The following MAP2K2 variants were observed in gnomAD, a reference collection of about 807,000 sequenced individuals.
MAP2K2 encodes dual specificity mitogen-activated protein kinase kinase 2.
MAP2K2 carries 24 observed loss-of-function variants against 43.7 expected under a neutral mutation model. That is an observed-to-expected ratio of 0.55 (90% CI 0.40 to 0.77). The LOEUF (loss-of-function observed/expected upper bound fraction) is 0.77, where lower values mean the gene tolerates loss of function less well. MAP2K2 is among the 30% of genes least tolerant of loss of function. MAP2K2 has a pLI of 0.00. For synonymous variants in MAP2K2, 244 were observed against 239.7 expected (o/e 1.02, Z -0.17); for missense variants, 470 against 566.8 (o/e 0.83, Z 1.73).
intron 2 of MAP2K2, among the ~76,000 whole-genome samples, chr19:4,114,563 G>A (rs901675658): frequency 6.6e-6 from 1 of 152,208 alleles, no homozygotes; most frequent in Non-Finnish European, 1.5e-5. Context: ...TATCTCCCTG[G>A]CCCAGGTAAC....
intron 3 of MAP2K2, among the ~76,000 whole-genome samples, chr19:4,108,868 A>G (rs767632908): frequency 2.0e-5 from 3 of 152,122 alleles, no homozygotes; most frequent in Non-Finnish European, 4.4e-5. Context: ...AATAGGGAGC[A>G]CCACATGACA....
At chr19:4,095,217 C>T (rs528577041) in intron 9 of MAP2K2, 171 bp downstream of exon 9, 22 of 613,032 alleles carry the variant, frequency 3.6e-5, no homozygotes, top group Admixed American at 5.5e-5. Flanking sequence ...CCGGGAGCTG[C>T]AGCCCCACAG....
intron 2 of MAP2K2, among the ~76,000 whole-genome samples, chr19:4,116,015 C>T (rs1237026388): frequency 6.6e-6 from 1 of 152,176 alleles, no homozygotes; most frequent in African/African-American, 2.4e-5. Context: ...AGCACGGGGG[C>T]CGTCAGCACC....
chr19:4,103,047 G>C, intron 3 of MAP2K2: 1 of 1,033,612 alleles, frequency 9.7e-7, no homozygotes, highest in Non-Finnish European at 1.2e-6. Flanking sequence ...CCCTGCGCCT[G>C]TCCCTGCCAC....
At chr19:4,104,388 A>G (rs1174798471) in intron 3 of MAP2K2, among the ~76,000 whole-genome samples, 1 of 150,014 alleles carries the variant, frequency 6.7e-6, no homozygotes, top group African/African-American at 2.5e-5. Flanking sequence ...CCACACAGTG[A>G]GACCCCATAC....
At chr19:4,109,272 G>A (rs1014890779) in intron 3 of MAP2K2, among the ~76,000 whole-genome samples, 3 of 152,010 alleles carry the variant, frequency 2.0e-5, no homozygotes, top group African/African-American at 4.8e-5. Flanking sequence ...TCTGGGCTTC[G>A]AGGCCAGAGT....
At position 4,102,923 on chromosome 19, in the gene MAP2K2, G is replaced by A. The variant is rs543934890; in HGVS notation, c.451-470C>T. 6.1e-5 allele frequency: 69 copies of A among 1,138,912 alleles called. No individual in the cohort carries two copies. In the East Asian group the frequency reaches 6.6e-4, roughly 11 times the overall value. 70.6% of individuals were successfully genotyped at this position (1,138,912 alleles called of 1,614,324 possible). A position where few individuals can be genotyped will look rare whatever the true frequency, so the allele number is the denominator to read the frequency against. On this transcript the variant is annotated intron_variant, in intron 3 of 10. Transcript: ENST00000262948. ...GAAGGGAAGGGGAGGGTGAGGGCGC[G>A]GAGGAGACGCGGGTGCTGCCCCGCG...
chr19:4,102,335 G>C (rs2145057232), intron 4 of MAP2K2, 41 bp downstream of exon 4: 2 of 1,516,266 alleles, frequency 1.3e-6, no homozygotes, highest in Admixed American at 1.9e-5. Flanking sequence ...GGTCCGTGCA[G>C]AGTGCGGTGG....
At chr19:4,117,680 G>T in intron 1 of MAP2K2, 51 bp from the exon 2 acceptor site, 1 of 1,563,948 alleles carries the variant, frequency 6.4e-7, no homozygotes, top group South Asian at 1.1e-5. Flanking sequence ...GACTCCATCT[G>T]GCCGTTTGCT....
intron 1 of MAP2K2, among the ~76,000 whole-genome samples, chr19:4,118,342 G>T (rs2041253653): frequency 6.6e-6 from 1 of 152,180 alleles, no homozygotes; most frequent in Non-Finnish European, 1.5e-5. Context: ...GTCTTTGCAG[G>T]AGATAGAGGA....
chr19:4,117,269 T>C, intron 2 of MAP2K2, 150 bp downstream of exon 2: 1 of 769,726 alleles, frequency 1.3e-6, no homozygotes, highest in East Asian at 2.7e-5. Context: ...GCTGGGCCCT[T>C]TCTCAGGACC....
intron 1 of MAP2K2, among the ~76,000 whole-genome samples, chr19:4,119,656 T>C (rs1396379677): frequency 6.6e-6 from 1 of 152,256 alleles, no homozygotes; most frequent in African/African-American, 2.4e-5. Context: ...AATGGCATTA[T>C]TGCGCCTATG....
chr19:4,099,436 A>G (rs2145050667), intron 6 of MAP2K2, 22 bp from the exon 7 acceptor site: 1 of 1,579,220 alleles, frequency 6.3e-7, no homozygotes, highest in Non-Finnish European at 8.6e-7. Flanking sequence ...CCAGGGAGGA[A>G]AGAGCCCAGA....
At chr19:4,120,531 G>A (rs890181604) in intron 1 of MAP2K2, among the ~76,000 whole-genome samples, 2 of 152,136 alleles carry the variant, frequency 1.3e-5, no homozygotes, top group Admixed American at 6.6e-5. Context: ...TGGCCAGGTT[G>A]GTCTTGAACT....
At chr19:4,122,992 G>A (rs2041319950) in intron 1 of MAP2K2, among the ~76,000 whole-genome samples, 1 of 147,546 alleles carries the variant, frequency 6.8e-6, no homozygotes. Context: ...CTCCTCAGGG[G>A]CTGCCTGACC....
chr19:4,095,866 C>G (rs762422753), intron 8 of MAP2K2, among the ~76,000 whole-genome samples: 5 of 152,238 alleles, frequency 3.3e-5, no homozygotes, highest in Non-Finnish European at 7.3e-5. Context: ...CCTCCACCTC[C>G]GGGGTTCAAG....
chr19:4,117,710 G>A, intron 1 of MAP2K2, 81 bp from the exon 2 acceptor site: 2 of 1,218,998 alleles, frequency 1.6e-6, no homozygotes, highest in South Asian at 1.2e-5. Flanking sequence ...TGGTGCATCG[G>A]CCCCCAGGAG....
chr19:4,109,870 T>C (rs2041132541), intron 3 of MAP2K2, among the ~76,000 whole-genome samples: 1 of 152,068 alleles, frequency 6.6e-6, no homozygotes, highest in African/African-American at 2.4e-5. Context: ...CAGTGCCATG[T>C]TATTTGAGAT....
At chr19:4,118,482 G>A (rs926676756) in intron 1 of MAP2K2, among the ~76,000 whole-genome samples, 11 of 152,188 alleles carry the variant, frequency 7.2e-5, no homozygotes, top group African/African-American at 2.7e-4. Context: ...GGGAGGCTGA[G>A]ACACGAGAAC....
Sources: gnomAD v4.1 joint callset for allele counts (sites outside exome capture counted in the v4.1 genomes callset) on GRCh38, gnomAD v4.1.1 for gene constraint, MANE v1.5 for transcripts, NCBI Gene and HGNC (gene_info 2026-07-23, HGNC 2026-07-21) for gene names.